The following ABLIM3 variants were observed in gnomAD, a reference collection of about 807,000 sequenced individuals.
ABLIM3 encodes actin binding LIM protein family member 3.
A neutral mutation model predicts 109.5 loss-of-function variants in ABLIM3; 61 were observed. That is an observed-to-expected ratio of 0.56 (90% CI 0.45 to 0.69). The LOEUF (loss-of-function observed/expected upper bound fraction) is 0.69. Ranked by LOEUF, ABLIM3 falls within the 30% of genes least tolerant of loss-of-function variation. The probability of loss-of-function intolerance (pLI) is 0.00; values close to 1 mark genes in which losing one functional copy is unlikely to be tolerated. For synonymous variants in ABLIM3, 300 were observed against 324.8 expected, an observed-to-expected ratio of 0.92 and a Z score of 0.82; for missense variants, 796 against 889.5, an observed-to-expected ratio of 0.89 and a Z score of 1.34.
chr5:149,211,668 G>A (rs1759568632), intron 7 of ABLIM3, among the ~76,000 whole-genome samples: 1 of 151,906 alleles, frequency 6.6e-6, no homozygotes, highest in South Asian at 2.1e-4. Flanking sequence ...CTGGCCAGTT[G>A]GTTGTGGTTA....
chr5:149,216,709 A>G, intron 7 of ABLIM3: 1 of 464,530 alleles, frequency 2.2e-6, no homozygotes, highest in South Asian at 3.8e-5. Flanking sequence ...TGTCCTTCCC[A>G]GTGTCAGAAT....
intron 3 of ABLIM3, among the ~76,000 whole-genome samples, chr5:149,191,752 T>C (rs1757493002): frequency 6.6e-6 from 1 of 152,264 alleles, no homozygotes; most frequent in African/African-American, 2.4e-5. Context: ...AGAAAACTGG[T>C]TAATGTATTT....
In ABLIM3 at chr5:149,251,355, G is replaced by A; in HGVS notation, c.1789-4G>A. 6.2e-7 allele frequency: 1 copy of A among 1,614,056 alleles called. No homozygotes were observed. The highest frequency in any genetic ancestry group is 8.5e-7 in the Non-Finnish European group (1 of 1,179,982). Reference sequence around the variant, plus strand: ...GGCCAGCCGTGGTTCTGTCTCTTCTGCAGACACCCAGCGCAGACCTCTTCC... The same window carrying A: ...GGCCAGCCGTGGTTCTGTCTCTTCTACAGACACCCAGCGCAGACCTCTTCC... On this transcript the variant is annotated splice_polypyrimidine_tract_variant and splice_region_variant and intron_variant, in intron 20 of 23. Transcript: ENST00000309868.
At chr5:149,251,611 G>A (rs1753935558) in intron 21 of ABLIM3, among the ~76,000 whole-genome samples, 192 bp downstream of exon 21, 1 of 151,312 alleles carries the variant, frequency 6.6e-6, no homozygotes, top group African/African-American at 2.4e-5. Context: ...ATCCTCTCAA[G>A]TCCTGGCCTT....
rs779468104 is a variant in ABLIM3 at position 149,237,613 on chromosome 5, C to G, written c.1044+10C>G. The stretch of plus-strand genomic sequence containing the variant: ...ATGTGGCTATGGAGAGGTATCGCAT[C>G]TTGCCCTTCTCTCTGGGGCTATTGT... On this transcript the variant is annotated intron_variant, in intron 11 of 23. Coordinates refer to ENST00000309868, the MANE Select transcript of ABLIM3 (RefSeq NM_014945.5). The G allele has an allele frequency of 9.3e-6, 15 of 1,613,744 alleles. No homozygotes were observed. Among genetic ancestry groups the G allele is most frequent in the Non-Finnish European group, 1.3e-5 (15 of 1,179,982 alleles).
chr5:149,175,224 G>C (rs1022540732), intron 2 of ABLIM3, among the ~76,000 whole-genome samples: 1 of 152,102 alleles, frequency 6.6e-6, no homozygotes, highest in Middle Eastern at 3.2e-3. Context: ...TAGCCGGATG[G>C]TATTTTTGAA....
At chr5:149,162,771 G>A (rs1754492239) in intron 2 of ABLIM3, among the ~76,000 whole-genome samples, 1 of 152,174 alleles carries the variant, frequency 6.6e-6, no homozygotes. Context: ...ACACTTTTCA[G>A]CTGCTGCTTA....
intron 2 of ABLIM3, among the ~76,000 whole-genome samples, chr5:149,148,896 C>T (rs1396330117): frequency 4.6e-5 from 7 of 152,190 alleles, no homozygotes; most frequent in Non-Finnish European, 5.9e-5. Context: ...CTTCACACTT[C>T]ACCAAGGCTG....
chr5:149,173,899 G>C (rs1343851879), intron 2 of ABLIM3, among the ~76,000 whole-genome samples: 2 of 151,582 alleles, frequency 1.3e-5, no homozygotes, highest in Non-Finnish European at 3.0e-5. Context: ...GCGGGTGCCT[G>C]TAGTCCCAGC....
At chr5:149,213,283 T>A (rs1260154305) in intron 7 of ABLIM3, among the ~76,000 whole-genome samples, 1 of 152,150 alleles carries the variant, frequency 6.6e-6, no homozygotes, top group Admixed American at 6.5e-5. Context: ...GACACCAACC[T>A]TGGCGAGCAG....
At chr5:149,184,318 A>G (rs570299561) in intron 3 of ABLIM3, among the ~76,000 whole-genome samples, 228 of 152,324 alleles carry the variant, frequency 1.5e-3, no homozygotes, top group Middle Eastern at 6.8e-3. Context: ...TGCTCCACAG[A>G]GCAGCCATTC....
intron 2 of ABLIM3, among the ~76,000 whole-genome samples, chr5:149,173,346 T>C (rs1001478961): frequency 1.3e-5 from 2 of 152,142 alleles, no homozygotes; most frequent in African/African-American, 4.8e-5. Flanking sequence ...GAATGGAGGG[T>C]GCTTGCAACG....
At chr5:149,161,123 G>T (rs753810834) in intron 2 of ABLIM3, among the ~76,000 whole-genome samples, 2 of 152,182 alleles carry the variant, frequency 1.3e-5, no homozygotes, top group Non-Finnish European at 2.9e-5. Context: ...TCCGGAGCCT[G>T]TCCTCTAGCC....
chr5:149,170,116 T>C (rs1448146360), intron 2 of ABLIM3, among the ~76,000 whole-genome samples: 2 of 152,176 alleles, frequency 1.3e-5, no homozygotes, highest in East Asian at 3.9e-4. Flanking sequence ...TTTTTCCTGA[T>C]CCTTCCTCCC....
chr5:149,170,271 CCTCT>C (rs143290105), intron 2 of ABLIM3, among the ~76,000 whole-genome samples: 2 of 107,596 alleles, frequency 1.9e-5, no homozygotes, highest in South Asian at 3.2e-4. Context: ...TCTCCTTCTC[CCTCT>C]CTCTCTCTCT....
At chr5:149,142,154 C>T (rs1293747967) in intron 2 of ABLIM3, 46 bp downstream of exon 2, 2 of 999,818 alleles carry the variant, frequency 2.0e-6, no homozygotes, top group Admixed American at 2.0e-5. Context: ...GGGGTGGGGG[C>T]GGGAGGTGAG....
At chr5:149,209,751 C>G (rs1289463196) in intron 6 of ABLIM3, among the ~76,000 whole-genome samples, 1 of 152,144 alleles carries the variant, frequency 6.6e-6, no homozygotes, top group Non-Finnish European at 1.5e-5. Flanking sequence ...AGGTGTGTCT[C>G]AGGGGCTCAC....
chr5:149,242,358 G>A (rs1752937074), intron 14 of ABLIM3, 133 bp from the exon 15 acceptor site: 3 of 804,872 alleles, frequency 3.7e-6, no homozygotes, highest in Non-Finnish European at 4.1e-6. Context: ...GAAAAAGATG[G>A]TGGCCCCTTG....
intron 2 of ABLIM3, among the ~76,000 whole-genome samples, chr5:149,180,284 C>G (rs1036409764): frequency 6.6e-6 from 1 of 152,200 alleles, no homozygotes; most frequent in East Asian, 1.9e-4. Flanking sequence ...AAATGATAAC[C>G]AGCAGAAAAT....
Sources: gnomAD v4.1 joint callset for allele counts (sites outside exome capture counted in the v4.1 genomes callset) on GRCh38, gnomAD v4.1.1 for gene constraint, MANE v1.5 for transcripts, NCBI Gene and HGNC (gene_info 2026-07-23, HGNC 2026-07-21) for gene names.